The following ACOXL variants were observed in gnomAD, a reference collection of about 807,000 sequenced individuals.
ACOXL encodes the protein acyl-CoA oxidase like, also known as acyl-coenzyme A oxidase-like protein.
ACOXL carries 70 observed loss-of-function variants against 71.9 expected under a neutral mutation model. That is an observed-to-expected ratio of 0.97 (90% confidence interval 0.80 to 1.19). ACOXL has a LOEUF of 1.19. Ranked by LOEUF, ACOXL falls within the 50% of genes most tolerant of loss-of-function variation. The pLI is 0.00. For missense variants in ACOXL, 703 were observed against 736.3 expected (o/e 0.95, Z 0.52); for synonymous variants, 253 against 281.6 (o/e 0.90, Z 1.02).
At chr2:110,995,068 A>G (rs535760383) in intron 13 of ACOXL, among the ~76,000 whole-genome samples, 1 of 117,448 alleles carries the variant, frequency 8.5e-6, no homozygotes, top group East Asian at 2.5e-4. Context: ...TTAATTGATA[A>G]ATATTTTGTA....
intron 16 of ACOXL, among the ~76,000 whole-genome samples, chr2:111,052,026 A>G (rs746128145): frequency 1.1e-4 from 17 of 152,224 alleles, no homozygotes; most frequent in Non-Finnish European, 2.1e-4. Context: ...CAGACTGCCA[A>G]GAAGATGCAA....
intron 10 of ACOXL, among the ~76,000 whole-genome samples, chr2:110,879,957 C>T (rs1261818597): frequency 6.6e-6 from 1 of 151,894 alleles, no homozygotes; most frequent in East Asian, 1.9e-4. Context: ...ACCACCCTGG[C>T]CAACATGGTG....
chr2:111,081,554 C>T (rs759467892), intron 16 of ACOXL, among the ~76,000 whole-genome samples: 1 of 152,192 alleles, frequency 6.6e-6, no homozygotes, highest in African/African-American at 2.4e-5. Context: ...ATTCCATGCT[C>T]CTGGATAGGA....
chr2:110,754,542 CTT>C (rs1185264295), intron 1 of ACOXL, among the ~76,000 whole-genome samples: 1 of 152,188 alleles, frequency 6.6e-6, no homozygotes, highest in East Asian at 1.9e-4. Context: ...AATTTTGTCA[CTT>C]TGAAAATTTA....
intron 7 of ACOXL, among the ~76,000 whole-genome samples, chr2:110,801,417 A>G (rs566024038): frequency 6.6e-6 from 1 of 152,320 alleles, no homozygotes; most frequent in African/African-American, 2.4e-5. Context: ...GCACAGAAGG[A>G]GAGTCCATTC....
chr2:110,926,036 T>G (rs1156648763), intron 11 of ACOXL, among the ~76,000 whole-genome samples: 1 of 152,014 alleles, frequency 6.6e-6, no homozygotes, highest in Non-Finnish European at 1.5e-5. Flanking sequence ...GGCAGGTCAG[T>G]GGAGCAGTCA....
chr2:110,751,050 G>T (rs948306552), intron 1 of ACOXL, among the ~76,000 whole-genome samples: 1 of 151,902 alleles, frequency 6.6e-6, no homozygotes, highest in East Asian at 2.0e-4. Context: ...TGTAATCCCA[G>T]CACTTTGGGA....
intron 11 of ACOXL, among the ~76,000 whole-genome samples, chr2:110,914,898 G>C (rs913399532): frequency 1.3e-5 from 2 of 152,270 alleles, no homozygotes; most frequent in African/African-American, 4.8e-5. Context: ...TTATATTTAA[G>C]GGGTACGTGA....
At chr2:110,793,975 A>G in intron 4 of ACOXL, 101 bp from the exon 5 acceptor site, 2 of 1,234,714 alleles carry the variant, frequency 1.6e-6, no homozygotes, top group South Asian at 1.3e-5. Context: ...TCTCCAACCC[A>G]CCTGTCCCTC....
intron 9 of ACOXL, among the ~76,000 whole-genome samples, chr2:110,811,054 C>T (rs999066056): frequency 5.3e-5 from 8 of 152,170 alleles, no homozygotes; most frequent in South Asian, 2.1e-4. Context: ...TTATCTTCAC[C>T]GGGTCCCTTC....
chr2:111,102,658 A>G (rs933313677), intron 17 of ACOXL, among the ~76,000 whole-genome samples: 1 of 151,834 alleles, frequency 6.6e-6, no homozygotes, highest in African/African-American at 2.4e-5. Context: ...AAAAAAAAAG[A>G]CCTCTCAGGA....
intron 14 of ACOXL, among the ~76,000 whole-genome samples, chr2:111,003,581 A>AAAAAAAAG (rs1558855365): frequency 6.8e-6 from 1 of 147,290 alleles, no homozygotes; most frequent in African/African-American, 2.6e-5. Flanking sequence ...AAAAAAAAAG[A>AAAAAAAAG]ATCACAGAAC....
chr2:110,768,627 G>A (rs546691101), intron 2 of ACOXL, among the ~76,000 whole-genome samples, 163 bp downstream of exon 2: 1 of 152,050 alleles, frequency 6.6e-6, no homozygotes, highest in African/African-American at 2.4e-5. Flanking sequence ...GAGGTTTGAT[G>A]TACAGAGTAT....
At chr2:110,920,459 T>C (rs1335509968) in intron 11 of ACOXL, among the ~76,000 whole-genome samples, 2 of 152,216 alleles carry the variant, frequency 1.3e-5, no homozygotes, top group Non-Finnish European at 2.9e-5. Context: ...AAGAGTTCTT[T>C]ATAGGTTCTA....
At chr2:110,916,747 A>T (rs907601886) in intron 11 of ACOXL, among the ~76,000 whole-genome samples, 22 of 152,246 alleles carry the variant, frequency 1.4e-4, no homozygotes, top group African/African-American at 5.3e-4. Flanking sequence ...TCCCACAGAA[A>T]TACAAACTAC....
intron 16 of ACOXL, among the ~76,000 whole-genome samples, chr2:111,086,318 A>G (rs1274112594): frequency 6.6e-6 from 1 of 152,198 alleles, no homozygotes; most frequent in East Asian, 1.9e-4. Flanking sequence ...ATACTCAACA[A>G]AATCTTAGCA....
chr2:110,857,668 T>C (rs1693424068), intron 10 of ACOXL, among the ~76,000 whole-genome samples: 1 of 152,248 alleles, frequency 6.6e-6, no homozygotes, highest in African/African-American at 2.4e-5. Context: ...CTCCCTTTTA[T>C]CTCTGGCTAG....
intron 10 of ACOXL, among the ~76,000 whole-genome samples, chr2:110,904,239 G>A (rs1415821813): frequency 2.0e-5 from 3 of 152,148 alleles, no homozygotes; most frequent in African/African-American, 7.2e-5. Context: ...ATGGGCTATT[G>A]GGCATAGGGG....
chr2:110,832,071 C>A (rs1016916527), intron 9 of ACOXL, among the ~76,000 whole-genome samples: 1 of 152,144 alleles, frequency 6.6e-6, no homozygotes, highest in Non-Finnish European at 1.5e-5. Flanking sequence ...AATGGACACA[C>A]CTGTGGTCCC....
Sources: allele counts gnomAD v4.1 joint callset (sites outside exome capture counted in the v4.1 genomes callset), GRCh38; gene constraint gnomAD v4.1.1; transcripts MANE v1.5; gene names NCBI Gene and HGNC (gene_info 2026-07-23, HGNC 2026-07-21).